The following SUGCT variants were observed in gnomAD, a reference collection of about 807,000 sequenced individuals.
SUGCT encodes the protein succinyl-CoA:glutarate CoA-transferase.
SUGCT carries 41 observed loss-of-function variants against 55.0 expected under a neutral mutation model. The observed-to-expected ratio is 0.74, with a 90% confidence interval of 0.58 to 0.97. SUGCT has a LOEUF of 0.97. Among genes scored for constraint, SUGCT ranks in the 50% least tolerant of loss-of-function variants. SUGCT has a pLI of 0.00. For missense variants in SUGCT, 568 were observed against 547.8 expected (o/e 1.04, Z -0.37); for synonymous variants, 187 against 200.4 (o/e 0.93, Z 0.56).
chr7:40,685,692 T>G (rs1356219825), intron 12 of SUGCT, among the ~76,000 whole-genome samples: 3 of 152,192 alleles, frequency 2.0e-5, no homozygotes, highest in Non-Finnish European at 2.9e-5. Context: ...TATGTTTTAG[T>G]GTAGATCTTT....
At chr7:40,333,721 C>G (rs1452507862) in intron 9 of SUGCT, among the ~76,000 whole-genome samples, 3 of 117,600 alleles carry the variant, frequency 2.6e-5, no homozygotes, top group Admixed American at 9.4e-5. Context: ...ATAAAATACA[C>G]ACATATATAT....
the SUGCT span, among the ~76,000 whole-genome samples, chr7:40,868,448 T>A: frequency 6.6e-6 from 1 of 152,198 alleles, no homozygotes; most frequent in Non-Finnish European, 1.5e-5. Flanking sequence ...TTGTTGAGGA[T>A]GATGGCTTCC....
chr7:40,913,720 C>G, the SUGCT span, among the ~76,000 whole-genome samples: 2 of 152,006 alleles, frequency 1.3e-5, no homozygotes, highest in African/African-American at 2.4e-5. Context: ...GCTGTGGGCT[C>G]GCTGGATTCA....
intron 8 of SUGCT, among the ~76,000 whole-genome samples, chr7:40,316,210 G>C (rs1319944972): frequency 6.6e-6 from 1 of 152,176 alleles, no homozygotes; most frequent in Non-Finnish European, 1.5e-5. Flanking sequence ...GATCTTTTCT[G>C]TCAGAATGCT....
the SUGCT span, among the ~76,000 whole-genome samples, chr7:40,907,102 TG>T: frequency 0.17 from 21,577 of 124,648 alleles, 1,903 homozygotes; most frequent in African/African-American, 0.31. Context: ...TGATAGTGTG[TG>T]TGTGTGTGTG....
At position 40,450,412 on chromosome 7, in the gene SUGCT, CT is replaced by C. The variant is rs529151274; in HGVS notation, c.888+1067del. Among the ~76,000 whole-genome samples the C allele has an allele frequency of 5.3e-3, 737 of 138,588 alleles. 3 individuals carry two copies. Among genetic ancestry groups the C allele is most frequent in the African/African-American group, 0.012 (467 of 37,968 alleles). The allele number at this position is 138,588 out of a possible 152,430, so 90.9% of individuals were successfully genotyped here. The stretch of plus-strand genomic sequence containing the variant: ...GGCCTTACCTGTTAAGGATTTTTTT[CT>C]TTTTTTTTTTTTGAGAGACAATCAG... On this transcript the variant is annotated intron_variant, in intron 10 of 13. Coordinates refer to ENST00000335693, the MANE Select transcript of SUGCT (RefSeq NM_001193313.2).
intron 7 of SUGCT, among the ~76,000 whole-genome samples, chr7:40,258,830 G>A (rs1791015501): frequency 6.6e-6 from 1 of 152,120 alleles, no homozygotes; most frequent in South Asian, 2.1e-4. Flanking sequence ...CCCCACCAAT[G>A]GGCATATACT....
chr7:40,660,409 C>A (rs1435495625), intron 12 of SUGCT, among the ~76,000 whole-genome samples: 1 of 152,148 alleles, frequency 6.6e-6, no homozygotes, highest in Non-Finnish European at 1.5e-5. Context: ...CAGGTGCCCA[C>A]CACCATGTCT....
chr7:40,357,508 C>G (rs1315684475), intron 9 of SUGCT, among the ~76,000 whole-genome samples: 2 of 152,058 alleles, frequency 1.3e-5, no homozygotes, highest in African/African-American at 4.8e-5. Flanking sequence ...TGTGGTGCAT[C>G]AAAAAGATGT....
At chr7:40,319,003 A>T (rs923979275) in intron 9 of SUGCT, among the ~76,000 whole-genome samples, 3 of 152,108 alleles carry the variant, frequency 2.0e-5, no homozygotes, top group African/African-American at 7.2e-5. Context: ...AGAAATTCAG[A>T]ATCTTGGCTT....
rs200860421 is a variant in SUGCT at position 40,679,378 on chromosome 7, C to A, written c.1090-70056C>A. 8.7e-5 allele frequency among the ~76,000 whole-genome samples: 11 copies of A among 126,124 alleles called. No individual in the cohort carries two copies. The East Asian group carries it at 3.9e-3, about 44-fold the overall frequency. The allele number at this position is 126,124 out of a possible 152,430, so 82.7% of individuals were successfully genotyped here. A position where few individuals can be genotyped will look rare whatever the true frequency, so the allele number is the denominator to read the frequency against. On this transcript the variant is annotated intron_variant, in intron 12 of 13. Transcript: ENST00000335693. ...GTGTATCCCTGATAAGAACAGATGA[C>A]CAGCTCAAAGGTGTACATTAAAATG...
At chr7:40,854,104 C>A (rs1158298192) in intron 13 of SUGCT, among the ~76,000 whole-genome samples, 1 of 152,158 alleles carries the variant, frequency 6.6e-6, no homozygotes, top group Non-Finnish European at 1.5e-5. Context: ...AAAATCTTGC[C>A]ATATTTTGGA....
At chr7:40,786,754 A>G (rs536156718) in intron 13 of SUGCT, among the ~76,000 whole-genome samples, 1 of 152,340 alleles carries the variant, frequency 6.6e-6, no homozygotes, top group African/African-American at 2.4e-5. Context: ...ATGCTGGCCA[A>G]GGCATTGGAA....
chr7:40,149,226 A>G (rs565248355), intron 1 of SUGCT, among the ~76,000 whole-genome samples: 1 of 152,294 alleles, frequency 6.6e-6, no homozygotes, highest in African/African-American at 2.4e-5. Context: ...GGATTTTTAT[A>G]CATGTAGCTA....
At chr7:40,246,246 A>G (rs983237208) in intron 7 of SUGCT, among the ~76,000 whole-genome samples, 1 of 129,942 alleles carries the variant, frequency 7.7e-6, no homozygotes, top group African/African-American at 2.6e-5. Flanking sequence ...ACCATATAGC[A>G]TGTTCTTTTT....
chr7:40,240,281 C>A (rs1164573435), intron 7 of SUGCT, among the ~76,000 whole-genome samples: 1 of 151,954 alleles, frequency 6.6e-6, no homozygotes, highest in East Asian at 1.9e-4. Context: ...TTCGGGAGTT[C>A]GAGACCAGCC....
chr7:40,479,091 T>C (rs1790872826), intron 11 of SUGCT, among the ~76,000 whole-genome samples: 1 of 152,160 alleles, frequency 6.6e-6, no homozygotes, highest in South Asian at 2.1e-4. Context: ...CACATATATA[T>C]GTTTGTGCAC....
Position 40,419,364 on chromosome 7 carries a change from C to G in SUGCT, c.817-29923C>G, listed in dbSNP as rs150053697. Among the ~76,000 whole-genome samples, 689 of 152,194 alleles carry G rather than the reference C, an allele frequency of 4.5e-3. 3 individuals carry two copies. Among genetic ancestry groups the G allele is most frequent in the African/African-American group, 0.014 (588 of 41,516 alleles). ...ATTACTGGCCAACTCTAAGCCTAGA[C>G]AAAATCCCCAATATACTCATGAATC... On this transcript the variant is annotated intron_variant, in intron 9 of 13. Transcript: ENST00000335693.
chr7:40,753,151 TTGTTA>T (rs1380334027), intron 13 of SUGCT, among the ~76,000 whole-genome samples: 1 of 152,138 alleles, frequency 6.6e-6, no homozygotes, highest in African/African-American at 2.4e-5. Context: ...AGGACAAGAG[TTGTTA>T]AATGCAAAGG....
Sources: gnomAD v4.1 joint callset for allele counts (sites outside exome capture counted in the v4.1 genomes callset) on GRCh38, gnomAD v4.1.1 for gene constraint, MANE v1.5 for transcripts, NCBI Gene and HGNC (gene_info 2026-07-23, HGNC 2026-07-21) for gene names.